Variants in ELMO2 observed in about 807,000 individuals in gnomAD.
ELMO2 encodes the protein engulfment and cell motility 2.
In ELMO2, 37 loss-of-function variants were observed where a neutral mutation model predicts 96.2. The ratio of observed to expected loss-of-function variants is 0.38; its 90% CI spans 0.30 to 0.51. ELMO2 has a LOEUF of 0.51. Ranked by LOEUF, ELMO2 falls within the 20% of genes least tolerant of loss-of-function variation. ELMO2 has a pLI of 0.88. For synonymous variants in ELMO2, 315 were observed against 329.4 expected (o/e 0.96, Z 0.47); for missense variants, 561 against 912.6 (o/e 0.61, Z 4.96).
chr20:46,369,174 C>T, intron 20 of ELMO2: 1 of 524,108 alleles, frequency 1.9e-6, no homozygotes, highest in South Asian at 2.7e-5. Context: ...CTGCCCAAGT[C>T]ACATCAAAGA....
At chr20:46,405,611 G>C (rs971277481) in intron 1 of ELMO2, among the ~76,000 whole-genome samples, 6 of 151,762 alleles carry the variant, frequency 4.0e-5, no homozygotes, top group Non-Finnish European at 5.9e-5. Flanking sequence ...TTCTCGGCTG[G>C]GCGCGGTGGC....
At chr20:46,393,905 T>C (rs1300635706) in intron 4 of ELMO2, 144 bp downstream of exon 4, 4 of 1,155,000 alleles carry the variant, frequency 3.5e-6, no homozygotes, top group Non-Finnish European at 5.0e-6. Flanking sequence ...TCAACTGTAC[T>C]TCCTTCCCAA....
chr20:46,374,471 G>A (rs2059811877), intron 14 of ELMO2, 31 bp from the exon 15 acceptor site: 1 of 1,612,398 alleles, frequency 6.2e-7, no homozygotes, highest in Admixed American at 1.7e-5. Context: ...GAGGATTAGG[G>A]AGATGAAGGA....
At chr20:46,388,631 G>T (rs990522702) in intron 7 of ELMO2, among the ~76,000 whole-genome samples, 2 of 152,000 alleles carry the variant, frequency 1.3e-5, no homozygotes, top group East Asian at 3.9e-4. Context: ...GGGCTGGGAG[G>T]TGACTGAAGA....
rs1336045296 is a variant in ELMO2 at position 46,374,431 on chromosome 20, C to T, written c.1180G>A (p.Glu394Lys). 6.2e-7 allele frequency: 1 copy of T among 1,613,944 alleles called. No homozygotes were observed. Among genetic ancestry groups the T allele is most frequent in the Non-Finnish European group, 8.5e-7 (1 of 1,180,008 alleles). The change falls in exon 15 of 22, where the codon GAG becomes AAG. Residue 394 changes from glutamate to lysine, a missense_variant. By Grantham distance (56) the Glu-to-Lys change is moderately conservative (BLOSUM62 1). Transcript: ENST00000290246. Reference sequence around the variant, plus strand: ...TGTTTGTCTTCCCGGCTACTGTTCTCCAAGACAATCTGTCGGGGGAAGAGA... The same window carrying T: ...TGTTTGTCTTCCCGGCTACTGTTCTTCAAGACAATCTGTCGGGGGAAGAGA... The part of the protein sequence containing the change: ...HQDTYIRIVL[E>K]NSSREDKHEC...
At chr20:46,369,599 C>T (rs2059654386) in intron 20 of ELMO2, 1 of 153,400 alleles carries the variant, frequency 6.5e-6, no homozygotes, top group South Asian at 2.0e-4. Context: ...GAATGAGGCA[C>T]TGAGCTTCAA....
Position 46,371,733 on chromosome 20 carries a change from A to C in ELMO2, c.1581-42T>G, listed in dbSNP as rs1164312563. On this transcript the variant is annotated intron_variant, in intron 17 of 21. Coordinates refer to ENST00000290246, the MANE Select transcript of ELMO2 (RefSeq NM_133171.5). The surrounding 1 kb of genome is among the most constrained non-coding windows in gnomAD (Gnocchi z 5.9). ...CTGGAGTGAGCGGAAGGTCATGGGGACAGTGGAGCTCTGGAAGGAAAGCAG... is the reference window on the plus strand; with the variant it reads ...CTGGAGTGAGCGGAAGGTCATGGGGCCAGTGGAGCTCTGGAAGGAAAGCAG... The C allele has an allele frequency of 6.2e-7, 1 of 1,613,742 alleles. No individual in the cohort carries two copies. Among genetic ancestry groups the C allele is most frequent in the Admixed American group, 1.7e-5 (1 of 60,006 alleles).
intron 10 of ELMO2, among the ~76,000 whole-genome samples, chr20:46,381,376 G>C (rs2059951881): frequency 6.6e-6 from 1 of 152,172 alleles, no homozygotes; most frequent in South Asian, 2.1e-4. Flanking sequence ...TGAGGGAGCT[G>C]TCACACCTCT....
At position 46,375,335 on chromosome 20, in the gene ELMO2, A is replaced by T; in HGVS notation, c.966T>A (p.Ile322=). Residue 322 remains isoleucine (I), a synonymous_variant, in exon 13 of 22, where the codon ATT becomes ATA. Transcript: ENST00000290246. The surrounding 1 kb of genome is among the most constrained non-coding windows in gnomAD (Gnocchi z 4.6). The part of the protein sequence containing the change: ...QRDIIFELRR[I]AFDAESDPSN... ...TAGGATCAGACTCTGCGTCAAATGC[A>T]ATCCTCCTCAGTTCAAATATGATGT... The T allele has an allele frequency of 6.2e-7, 1 of 1,614,230 alleles. No homozygotes were observed. Among genetic ancestry groups the T allele is most frequent in the South Asian group, 1.1e-5 (1 of 91,086 alleles).
At chr20:46,393,683 C>T in intron 4 of ELMO2, 82 bp from the exon 5 acceptor site, 3 of 1,468,196 alleles carry the variant, frequency 2.0e-6, no homozygotes, top group Non-Finnish European at 2.9e-6. Context: ...AAAAGAGTTG[C>T]TCAAGGGATT....
In ELMO2 at chr20:46,371,424, T is replaced by C. The variant is rs1704878908; in HGVS notation, c.1729A>G (p.Lys577Glu). The C allele has an allele frequency of 1.2e-6, 2 of 1,614,128 alleles. No homozygotes were observed. The highest frequency in any genetic ancestry group is 8.5e-7 in the Non-Finnish European group (1 of 1,180,044). ...TCCAAGTCACCATAGTGAAGGACCT[T>C]GTGGTTCAGTGCCAACCGGCAGTAC... ...FWYCRLALNHKVLHYGDLDDN... is the reference protein window; with the variant it reads ...FWYCRLALNHEVLHYGDLDDN... Residue 577 changes from lysine to glutamate, a missense_variant, in exon 19 of 22, where the codon AAG (lysine) becomes GAG (glutamate). By Grantham distance (56) the Lys-to-Glu change is moderately conservative (BLOSUM62 1). Transcript: ENST00000290246. This position sits in a 1 kb window ranked among gnomAD's most constrained non-coding sequence, Gnocchi z 5.9.
chr20:46,379,380 C>T (rs1017805706), intron 11 of ELMO2, among the ~76,000 whole-genome samples: 1 of 152,132 alleles, frequency 6.6e-6, no homozygotes, highest in East Asian at 1.9e-4. Flanking sequence ...TACTCCACCC[C>T]ACAGGTGGTA....
intron 1 of ELMO2, among the ~76,000 whole-genome samples, chr20:46,404,618 C>T (rs2060394311): frequency 1.3e-5 from 2 of 152,214 alleles, no homozygotes; most frequent in Admixed American, 6.5e-5. Context: ...GTGTGTGACA[C>T]TGTACAGCCC....
chr20:46,374,713 T>A, intron 13 of ELMO2, 73 bp from the exon 14 acceptor site: 1 of 1,309,394 alleles, frequency 7.6e-7, no homozygotes, highest in Non-Finnish European at 1.1e-6. Context: ...GGATGCCCTC[T>A]CGCCTCTCCT....
In ELMO2 at chr20:46,380,298, C is replaced by A. The variant is rs745858689; in HGVS notation, c.762G>T (p.Met254Ile). ...GATGCTTCTGTGCAAATGCATTTGC[C>A]ATATCCTGTGGAGGAAAATAAGCAA... ...LKAPEDKRQD[M>I]ANAFAQKHLR... Residue 254 changes from methionine (M) to isoleucine (I), a missense_variant, in exon 11 of 22, where the codon ATG (methionine) becomes ATT (isoleucine). Coordinates refer to ENST00000290246, the MANE Select transcript of ELMO2 (RefSeq NM_133171.5). 9.9e-6 allele frequency: 16 copies of A among 1,612,966 alleles called. No homozygotes were observed. Among genetic ancestry groups the A allele is most frequent in the Non-Finnish European group, 1.4e-5 (16 of 1,179,164 alleles).
intron 11 of ELMO2, chr20:46,376,826 C>A (rs1389337143): frequency 5.4e-6 from 7 of 1,285,730 alleles, no homozygotes; most frequent in Middle Eastern, 4.3e-4. Flanking sequence ...TAGGGCTGTG[C>A]TGTCCAGTAT....
At chr20:46,378,054 G>C (rs549166237) in intron 11 of ELMO2, among the ~76,000 whole-genome samples, 2 of 152,284 alleles carry the variant, frequency 1.3e-5, no homozygotes, top group East Asian at 3.9e-4. Flanking sequence ...GCTTTGAATA[G>C]AGGTGGAAGT....
chr20:46,370,880 G>A (rs577755832), intron 19 of ELMO2, among the ~76,000 whole-genome samples: 2 of 152,168 alleles, frequency 1.3e-5, no homozygotes, highest in Admixed American at 1.3e-4. Flanking sequence ...AGTGGCAGCT[G>A]CTAACAGTTA....
At chr20:46,380,050 G>T in intron 11 of ELMO2, 1 of 481,150 alleles carries the variant, frequency 2.1e-6, no homozygotes. Flanking sequence ...CACTGCAATT[G>T]CTGGTGAGAT....
Sources: allele counts gnomAD v4.1 joint callset (sites outside exome capture counted in the v4.1 genomes callset), GRCh38; gene constraint gnomAD v4.1.1; non-coding constraint Gnocchi (gnomAD v3.1); transcripts MANE v1.5; gene names NCBI Gene and HGNC (gene_info 2026-07-23, HGNC 2026-07-21).